Variants in CAB39 observed in about 807,000 individuals in gnomAD.
CAB39 encodes calcium binding protein 39, also known as calcium-binding protein 39.
Under a neutral mutation model 40.0 loss-of-function variants are expected in CAB39, and 8 were observed. The observed-to-expected ratio is 0.20, with a 90% CI of 0.12 to 0.36. CAB39 has a LOEUF of 0.36. Among genes scored for constraint, CAB39 ranks in the 10% least tolerant of loss-of-function variants. The pLI, the probability that CAB39 is intolerant of heterozygous loss-of-function variation, is 1.00. For synonymous variants in CAB39, 156 were observed against 141.6 expected (o/e 1.10, Z -0.72); for missense variants, 270 against 401.1 (o/e 0.67, Z 2.79).
chr2:230,788,611 T>C (rs190751444), intron 2 of CAB39, among the ~76,000 whole-genome samples: 211 of 152,364 alleles, frequency 1.4e-3, no homozygotes, highest in African/African-American at 4.8e-3. Context: ...GAAATATTTC[T>C]ACTTTTCTGT....
intron 2 of CAB39, among the ~76,000 whole-genome samples, chr2:230,777,856 A>G (rs1376939507): frequency 6.6e-6 from 1 of 152,168 alleles, no homozygotes; most frequent in Non-Finnish European, 1.5e-5. Context: ...GTCTGTTTCC[A>G]TAGGGTAAAT....
intron 4 of CAB39, among the ~76,000 whole-genome samples, chr2:230,796,177 C>T (rs763856822): frequency 5.9e-5 from 9 of 152,146 alleles, no homozygotes; most frequent in Non-Finnish European, 1.3e-4. Context: ...CTGTGAACTG[C>T]ATTTTAAGAT....
At chr2:230,714,325 G>A (rs560080502) in intron 1 of CAB39, among the ~76,000 whole-genome samples, 1 of 152,318 alleles carries the variant, frequency 6.6e-6, no homozygotes, top group African/African-American at 2.4e-5. Context: ...CCAGTCAGGA[G>A]TTGACATTCT....
chr2:230,810,410 A>G (rs748922581), intron 6 of CAB39, 88 bp downstream of exon 6: 3 of 535,096 alleles, frequency 5.6e-6, no homozygotes, highest in Non-Finnish European at 1.0e-5. Flanking sequence ...TTGTACTAGA[A>G]TATTTATTTT....
chr2:230,726,650 A>C (rs1694577957), intron 1 of CAB39, among the ~76,000 whole-genome samples: 1 of 152,082 alleles, frequency 6.6e-6, no homozygotes, highest in South Asian at 2.1e-4. Flanking sequence ...TCCTGTATGT[A>C]AACAGCAAAG....
At chr2:230,802,520 A>G (rs907953170) in intron 5 of CAB39, among the ~76,000 whole-genome samples, 1 of 152,220 alleles carries the variant, frequency 6.6e-6, no homozygotes, top group Non-Finnish European at 1.5e-5. Context: ...TAGCAAGACT[A>G]ATAAAAAAGA....
At chr2:230,794,358 A>G (rs1356304694) in intron 4 of CAB39, among the ~76,000 whole-genome samples, 2 of 152,160 alleles carry the variant, frequency 1.3e-5, no homozygotes, top group Admixed American at 6.5e-5. Flanking sequence ...TGTTGTATCA[A>G]TTCAGAGTTG....
chr2:230,802,300 A>G (rs899973492), intron 5 of CAB39, among the ~76,000 whole-genome samples: 2 of 152,236 alleles, frequency 1.3e-5, no homozygotes, highest in African/African-American at 2.4e-5. Context: ...AAATGCCCAC[A>G]AGAGAAAGCA....
chr2:230,729,013 G>A (rs1278476428), intron 1 of CAB39, among the ~76,000 whole-genome samples: 1 of 152,202 alleles, frequency 6.6e-6, no homozygotes, highest in Non-Finnish European at 1.5e-5. Flanking sequence ...TATTTACTGT[G>A]TGCCAAGTAA....
Position 230,817,902 on chromosome 2 carries a change from A to G in CAB39, c.837+5A>G, listed in dbSNP as rs199732467. The stretch of plus-strand genomic sequence containing the variant: ...GAGGCCTTTCACGTTTTTAAGGTAG[A>G]GTACTAGAAGCATCAGTGATACTGT... On this transcript the variant is annotated splice_donor_5th_base_variant and intron_variant, in intron 8 of 8. Coordinates refer to ENST00000258418, the MANE Select transcript of CAB39 (RefSeq NM_016289.4). 1,167 of 1,605,402 alleles carry G rather than the reference A, an allele frequency of 7.3e-4. 12 individuals are homozygous for G. Among genetic ancestry groups the G allele is most frequent in the Non-Finnish European group, 1.9e-4 (223 of 1,177,774 alleles).
intron 2 of CAB39, among the ~76,000 whole-genome samples, chr2:230,786,793 T>C (rs1695802182): frequency 6.6e-6 from 1 of 152,210 alleles, no homozygotes; most frequent in South Asian, 2.1e-4. Flanking sequence ...ATCTGAAGAA[T>C]AGAGATAGTA....
chr2:230,807,826 C>G (rs1696228926), intron 5 of CAB39, among the ~76,000 whole-genome samples: 1 of 152,170 alleles, frequency 6.6e-6, no homozygotes, highest in Non-Finnish European at 1.5e-5. Context: ...GAGCCAGTGT[C>G]TCTCAGGACC....
At chr2:230,754,729 G>A (rs1008924497) in intron 1 of CAB39, among the ~76,000 whole-genome samples, 1 of 152,204 alleles carries the variant, frequency 6.6e-6, no homozygotes, top group Non-Finnish European at 1.5e-5. Flanking sequence ...ATGTTGGCCA[G>A]GCTGGTCTCA....
chr2:230,791,607 A>G (rs1476720570), intron 3 of CAB39, among the ~76,000 whole-genome samples: 1 of 152,184 alleles, frequency 6.6e-6, no homozygotes, highest in Non-Finnish European at 1.5e-5. Context: ...GATTCTAGCA[A>G]TATTGGGTAT....
Position 230,790,946 on chromosome 2 carries a change from G to T in CAB39, c.189G>T (p.Gln63His). 6.2e-7 allele frequency: 1 copy of T among 1,613,522 alleles called. No homozygotes were observed. Among genetic ancestry groups the T allele is most frequent in the Non-Finnish European group, 8.5e-7 (1 of 1,179,496 alleles). ...ATGGCACAAATGAAAAAGAGCCTCA[G>T]ACAGAAGCAGTAGCTCAACTTGCTC... is the stretch of plus-strand genomic sequence containing the variant. The part of the protein sequence containing the change: ...ILYGTNEKEP[Q>H]TEAVAQLAQE... The change falls in exon 3 of 9, where the codon CAG becomes CAT. Residue 63 changes from glutamine (Q) to histidine (H), a missense_variant. Gln to His is a conservative substitution (Grantham distance 24). Coordinates refer to ENST00000258418, the MANE Select transcript of CAB39 (RefSeq NM_016289.4).
chr2:230,814,605 C>G (rs896337460), intron 7 of CAB39, among the ~76,000 whole-genome samples: 3 of 152,166 alleles, frequency 2.0e-5, no homozygotes, highest in African/African-American at 7.2e-5. Flanking sequence ...GGTTGGCAAA[C>G]TACAACCCAT....
intron 2 of CAB39, among the ~76,000 whole-genome samples, chr2:230,786,412 T>C (rs1695795610): frequency 6.6e-6 from 1 of 152,116 alleles, no homozygotes; most frequent in Non-Finnish European, 1.5e-5. Context: ...TTACATGCCG[T>C]ATAGTTCACC....
At chr2:230,771,866 A>G (rs144449987) in intron 2 of CAB39, among the ~76,000 whole-genome samples, 2 of 152,338 alleles carry the variant, frequency 1.3e-5, no homozygotes, top group South Asian at 2.1e-4. Flanking sequence ...TGTTTCAACA[A>G]TTGGTGCTGA....
chr2:230,727,363 C>CGTGTGTGTGTGTGTGT lies in CAB39; in HGVS notation c.-44+14154_-44+14169dup, dbSNP rs10542723. Among the ~76,000 whole-genome samples the CGTGTGTGTGTGTGTGT allele has an allele frequency of 7.4e-3, 934 of 126,922 alleles. 26 individuals are homozygous for CGTGTGTGTGTGTGTGT. Among genetic ancestry groups the CGTGTGTGTGTGTGTGT allele is most frequent in the African/African-American group, 0.028 (873 of 31,226 alleles). 83.3% of individuals were successfully genotyped at this position (126,922 alleles called of 152,430 possible). On this transcript the variant is annotated intron_variant, in intron 1 of 8. Transcript: ENST00000258418. ...TAGAGCACTTGAATAGATTGTTAAC[C>CGTGTGTGTGTGTGTGT]GTGTGTGTGTGTGTGTGTGTGTGTG...
Sources: gnomAD v4.1 joint callset for allele counts (sites outside exome capture counted in the v4.1 genomes callset) on GRCh38, gnomAD v4.1.1 for gene constraint, MANE v1.5 for transcripts, NCBI Gene and HGNC (gene_info 2026-07-23, HGNC 2026-07-21) for gene names.